Variants in DPP6 observed in about 807,000 individuals in gnomAD.
DPP6 encodes A-type potassium channel modulatory protein DPP6.
In DPP6, 69 loss-of-function variants were observed where a neutral mutation model predicts 122.6. The observed-to-expected ratio is 0.56, with a 90% confidence interval of 0.46 to 0.69. DPP6 has a LOEUF of 0.69. DPP6 is among the 30% of genes least tolerant of loss of function. DPP6 has a pLI of 0.00. For missense variants in DPP6, 928 were observed against 1,116.9 expected (o/e 0.83, Z 2.41); for synonymous variants, 418 against 433.1 (o/e 0.97, Z 0.43).
intron 1 of DPP6, among the ~76,000 whole-genome samples, chr7:154,113,891 G>T (rs1037252427): frequency 9.2e-5 from 14 of 152,262 alleles, no homozygotes; most frequent in Admixed American, 7.8e-4. Context: ...AAAGTTAAAC[G>T]CTTTTCCTTT....
the DPP6 span, among the ~76,000 whole-genome samples, chr7:153,801,860 T>A: frequency 6.6e-6 from 1 of 152,070 alleles, no homozygotes; most frequent in Non-Finnish European, 1.5e-5. Flanking sequence ...ACTCTTCTTC[T>A]CCAATACTGA....
At chr7:154,855,554 GA>G (rs1412592841) in intron 17 of DPP6, among the ~76,000 whole-genome samples, 3 of 152,180 alleles carry the variant, frequency 2.0e-5, no homozygotes, top group Non-Finnish European at 4.4e-5. Context: ...GGTATCCCCG[GA>G]AGGATGTTGG....
chr7:153,923,287 C>T (rs1042352101), intron 1 of DPP6, among the ~76,000 whole-genome samples: 1 of 152,154 alleles, frequency 6.6e-6, no homozygotes, highest in Admixed American at 6.5e-5. Context: ...AACATAACAT[C>T]CATGGCATTA....
chr7:154,401,410 G>T (rs1012008744), intron 1 of DPP6, among the ~76,000 whole-genome samples: 4 of 149,950 alleles, frequency 2.7e-5, no homozygotes, highest in African/African-American at 9.9e-5. Context: ...CCAAATTATT[G>T]ATTTATGATT....
rs576193175 is a variant in DPP6 at position 154,023,316 on chromosome 7, C to G, written c.51+135582C>G. Among the ~76,000 whole-genome samples, 36 of 41,802 alleles carry G rather than the reference C, an allele frequency of 8.6e-4. No homozygotes were observed. The East Asian group carries it at 0.038, about 44-fold the overall frequency. The allele number at this position is 41,802 out of a possible 152,430, so 27.4% of individuals were successfully genotyped here. A position where few individuals can be genotyped will look rare whatever the true frequency, so the allele number is the denominator to read the frequency against. ...AGCAGGCTCTGGAAATGTTTCTTGT[C>G]TGCACACACACACACACACACACAC... On this transcript the variant is annotated intron_variant, in intron 1 of 25. Coordinates refer to the DPP6 transcript ENST00000404039.
At chr7:153,815,523 C>A in the DPP6 span, among the ~76,000 whole-genome samples, 1 of 151,934 alleles carries the variant, frequency 6.6e-6, no homozygotes, top group Non-Finnish European at 1.5e-5. Context: ...CCCCCGTCCC[C>A]CCACCCCACA....
chr7:154,341,988 G>A (rs1809976224), intron 1 of DPP6, among the ~76,000 whole-genome samples: 1 of 152,166 alleles, frequency 6.6e-6, no homozygotes, highest in African/African-American at 2.4e-5. Flanking sequence ...TTGTGTCAAC[G>A]ATGGGTCCTT....
chr7:154,314,398 G>C (rs1055594729), intron 1 of DPP6, among the ~76,000 whole-genome samples: 4 of 152,208 alleles, frequency 2.6e-5, no homozygotes, highest in Non-Finnish European at 5.9e-5. Context: ...CAGAGCTCAT[G>C]TCCCATTTTT....
intron 13 of DPP6, among the ~76,000 whole-genome samples, 197 bp from the exon 14 acceptor site, chr7:154,803,667 G>A (rs778307151): frequency 6.6e-6 from 1 of 152,152 alleles, no homozygotes; most frequent in African/African-American, 2.4e-5. Flanking sequence ...GGGAGGCTGC[G>A]GGCCTGGGGT....
At chr7:153,918,702 G>A (rs796914903) in intron 1 of DPP6, among the ~76,000 whole-genome samples, 13 of 151,686 alleles carry the variant, frequency 8.6e-5, no homozygotes, top group South Asian at 2.1e-4. Flanking sequence ...AATTACAGCC[G>A]GGCATGGTGG....
intron 1 of DPP6, among the ~76,000 whole-genome samples, chr7:154,180,434 T>G (rs1197990072): frequency 6.9e-6 from 1 of 145,458 alleles, no homozygotes; most frequent in Non-Finnish European, 1.5e-5. Context: ...ATATATAATA[T>G]ATATACACAT....
intron 1 of DPP6, among the ~76,000 whole-genome samples, chr7:154,251,159 T>G (rs186168230): frequency 6.6e-6 from 1 of 152,318 alleles, no homozygotes; most frequent in East Asian, 1.9e-4. Context: ...TCAAGAATAA[T>G]TAGAGACTTA....
At chr7:154,331,941 G>A (rs1808981815) in intron 1 of DPP6, among the ~76,000 whole-genome samples, 1 of 152,188 alleles carries the variant, frequency 6.6e-6, no homozygotes. Flanking sequence ...TTGGGAAGAA[G>A]CTAATCCTAT....
At chr7:154,054,727 G>A (rs1800669114) in intron 1 of DPP6, among the ~76,000 whole-genome samples, 1 of 150,610 alleles carries the variant, frequency 6.6e-6, no homozygotes, top group Non-Finnish European at 1.5e-5. Flanking sequence ...GAATCTTGGG[G>A]AAGACAGTTA....
the DPP6 span, among the ~76,000 whole-genome samples, chr7:153,826,950 G>A: frequency 6.6e-6 from 1 of 152,022 alleles, no homozygotes; most frequent in African/African-American, 2.4e-5. Flanking sequence ...TTATTCAAAT[G>A]TGTAAGCTAA....
At chr7:154,841,056 A>G (rs1801489444) in intron 16 of DPP6, among the ~76,000 whole-genome samples, 1 of 152,236 alleles carries the variant, frequency 6.6e-6, no homozygotes, top group African/African-American at 2.4e-5. Context: ...TAGAAATCAA[A>G]TCAGAACTTA....
chr7:154,119,476 G>A (rs1183187343), intron 1 of DPP6, among the ~76,000 whole-genome samples: 4 of 151,980 alleles, frequency 2.6e-5, no homozygotes, highest in South Asian at 2.1e-4. Flanking sequence ...TGAGTACAAC[G>A]TCTGTGTACC....
intron 1 of DPP6, among the ~76,000 whole-genome samples, chr7:154,204,382 TGGGC>T (rs977410299): frequency 2.6e-5 from 4 of 152,222 alleles, no homozygotes; most frequent in African/African-American, 9.6e-5. Flanking sequence ...TTTGTGGCAC[TGGGC>T]ACGCCACTCA....
intron 1 of DPP6, among the ~76,000 whole-genome samples, chr7:154,159,107 G>T (rs7792310): frequency 5.3e-5 from 8 of 152,042 alleles, no homozygotes; most frequent in African/African-American, 1.9e-4. Flanking sequence ...ATCAGAATAC[G>T]CCTTATTCAG....
Sources: gnomAD v4.1 joint callset for allele counts (sites outside exome capture counted in the v4.1 genomes callset) on GRCh38, gnomAD v4.1.1 for gene constraint, MANE v1.5 for transcripts, NCBI Gene and HGNC (gene_info 2026-07-23, HGNC 2026-07-21) for gene names.